Variants in SLC41A3 observed in about 807,000 individuals in gnomAD.
The protein encoded by SLC41A3 is SLC41A1-like 2.
A neutral mutation model predicts 45.4 loss-of-function variants in SLC41A3; 44 were observed. The observed-to-expected ratio is 0.97, with a 90% CI of 0.76 to 1.25. The LOEUF (loss-of-function observed/expected upper bound fraction) is 1.25. Ranked by LOEUF, SLC41A3 falls within the 50% of genes most tolerant of loss-of-function variation. SLC41A3 has a pLI of 0.00. For synonymous variants in SLC41A3, 256 were observed against 252.4 expected (o/e 1.01, Z -0.13); for missense variants, 550 against 600.6 (o/e 0.92, Z 0.88).
At chr3:126,014,482 T>C (rs901983042) in intron 8 of SLC41A3, among the ~76,000 whole-genome samples, 5 of 151,838 alleles carry the variant, frequency 3.3e-5, no homozygotes, top group African/African-American at 1.2e-4. Flanking sequence ...AGCTGCATAA[T>C]TCATGCAGAT....
Position 126,056,975 on chromosome 3 carries a change from G to A in SLC41A3, c.274-5925C>T, listed in dbSNP as rs6805596. The A allele has an allele frequency of 0.69, 712,530 of 1,031,484 alleles. 246,950 individuals carry two copies. Among genetic ancestry groups the A allele is most frequent in the Admixed American group, 0.72 (14,476 of 20,130 alleles). 63.9% of individuals were successfully genotyped at this position (1,031,484 alleles called of 1,614,324 possible). ...TGGGCTGGACAGAGCTGAAGCCCAC[G>A]TGGTGCCTGGCCTTGGTGAGTGCCC... On this transcript the variant is annotated intron_variant, in intron 2 of 10. Coordinates refer to ENST00000360370, the MANE Select transcript of SLC41A3 (RefSeq NM_017836.4).
chr3:126,023,580 AG>A (rs1438002182), intron 5 of SLC41A3: 5 of 152,874 alleles, frequency 3.3e-5, no homozygotes, highest in African/African-American at 9.7e-5. Context: ...CGTGTCTCCC[AG>A]GAACAGTCCT....
intron 3 of SLC41A3, among the ~76,000 whole-genome samples, chr3:126,049,165 G>A (rs1025992419): frequency 3.9e-5 from 6 of 151,946 alleles, no homozygotes; most frequent in Non-Finnish European, 5.9e-5. Flanking sequence ...AAAACACTGA[G>A]ATACGATCGT....
chr3:126,006,731 A>G lies in SLC41A3; in HGVS notation c.*285T>C. On this transcript the variant is annotated 3_prime_UTR_variant, in exon 11 of 11. Transcript: ENST00000360370. The stretch of plus-strand genomic sequence containing the variant: ...CTCTTCTTTACCTTCTCAGGCCAGA[A>G]CACCCTCCTCTCCACAAACGTGTGC... The G allele has an allele frequency of 2.1e-6, 3 of 1,447,628 alleles. No homozygotes were observed. Among genetic ancestry groups the G allele is most frequent in the Non-Finnish European group, 2.7e-6 (3 of 1,104,508 alleles). The allele number at this position is 1,447,628 out of a possible 1,614,324, so 89.7% of individuals were successfully genotyped here. A position where few individuals can be genotyped will look rare whatever the true frequency, so the allele number is the denominator to read the frequency against.
At chr3:126,069,770 G>A (rs1944531076) in intron 1 of SLC41A3, among the ~76,000 whole-genome samples, 1 of 152,086 alleles carries the variant, frequency 6.6e-6, no homozygotes, top group African/African-American at 2.4e-5. Context: ...TCAATATAGA[G>A]ATGAAAATTA....
intron 6 of SLC41A3, among the ~76,000 whole-genome samples, chr3:126,018,433 T>C: frequency 6.6e-6 from 1 of 152,240 alleles, no homozygotes; most frequent in East Asian, 1.9e-4. Flanking sequence ...TTAAGTAAAC[T>C]TGGCGAATCT....
chr3:126,033,950 GCA>G (rs1264506777), intron 3 of SLC41A3, among the ~76,000 whole-genome samples: 1 of 151,414 alleles, frequency 6.6e-6, no homozygotes, highest in Non-Finnish European at 1.5e-5. Flanking sequence ...TGCACCACCT[GCA>G]CACACACAGC....
At position 126,022,892 on chromosome 3, in the gene SLC41A3, G is replaced by A. The variant is rs150894023; in HGVS notation, c.639C>T (p.Leu213=). The change falls in exon 6 of 11, where the codon CTC becomes CTT. Residue 213 remains leucine, a synonymous_variant. Transcript: ENST00000360370. ...TGGCAATGTTGTCTGGGTTGACCCC[G>A]AGCTTTCGAGCACCAATCACTATAC... ...MVCIVIGARK[L]GVNPDNIATP... 71 of 1,614,050 alleles carry A rather than the reference G, an allele frequency of 4.4e-5. No homozygotes were observed. In the African/African-American group the frequency reaches 6.8e-4, roughly 15 times the overall value.
intron 1 of SLC41A3, chr3:126,083,859 C>A (rs537624774): frequency 6.7e-6 from 1 of 150,192 alleles, no homozygotes; most frequent in South Asian, 2.1e-4. Context: ...GCCGCCCCTC[C>A]GACCCCTCGT....
intron 9 of SLC41A3, among the ~76,000 whole-genome samples, chr3:126,009,948 G>A (rs1232124396): frequency 6.6e-6 from 1 of 152,202 alleles, no homozygotes; most frequent in East Asian, 1.9e-4. Flanking sequence ...AACAAATGGG[G>A]AAGACACACT....
intron 6 of SLC41A3, among the ~76,000 whole-genome samples, chr3:126,022,149 G>C (rs1940942188): frequency 6.6e-6 from 1 of 152,158 alleles, no homozygotes; most frequent in Admixed American, 6.5e-5. Flanking sequence ...AACCTTGCCT[G>C]TGTCTCTCAT....
intron 1 of SLC41A3, among the ~76,000 whole-genome samples, chr3:126,092,972 T>C (rs1054109142): frequency 3.3e-5 from 5 of 152,178 alleles, no homozygotes; most frequent in Non-Finnish European, 5.9e-5. Flanking sequence ...CAGATCTTTC[T>C]TTTCTGCAGG....
At chr3:126,088,242 C>G (rs1945431364), upstream of SLC41A3, among the ~76,000 whole-genome samples, 1 of 152,056 alleles carries the variant, frequency 6.6e-6, no homozygotes, top group South Asian at 2.1e-4. Flanking sequence ...TGATATTTCA[C>G]TACCAAACTA....
At chr3:126,074,648 TGTTGTTTGGGTTTTTGG>T (rs1315220306) in intron 1 of SLC41A3, among the ~76,000 whole-genome samples, 2 of 152,022 alleles carry the variant, frequency 1.3e-5, no homozygotes, top group Non-Finnish European at 2.9e-5. Context: ...TTTGTTTTGT[TGTTGTTTGGGTTTTTGG>T]GTTGTTTGGT....
rs988232046 is a variant in SLC41A3, at chr3:126,057,009, G to T, written c.274-5959C>A. On this transcript the variant is annotated intron_variant, in intron 2 of 10. Coordinates refer to ENST00000360370, the MANE Select transcript of SLC41A3 (RefSeq NM_017836.4). ...GGCCTTGGTGAGTGCCCACACGGAG[G>T]TCTGCTGCCACCTCGCCCTGTACAA... The T allele has an allele frequency of 1.3e-5, 13 of 1,024,392 alleles. No individual in the cohort carries two copies. In the African/African-American group the frequency reaches 2.2e-4, roughly 17 times the overall value. The allele number at this position is 1,024,392 out of a possible 1,614,324, so 63.5% of individuals were successfully genotyped here. A position where few individuals can be genotyped will look rare whatever the true frequency, so the allele number is the denominator to read the frequency against.
chr3:126,096,861 G>T (rs1945613842), intron 1 of SLC41A3, among the ~76,000 whole-genome samples: 1 of 152,076 alleles, frequency 6.6e-6, no homozygotes, highest in Non-Finnish European at 1.5e-5. Context: ...GCTGGGTTAG[G>T]GTCTCCCCAA....
chr3:126,060,745 G>A (rs1395232759), intron 2 of SLC41A3, among the ~76,000 whole-genome samples: 1 of 152,226 alleles, frequency 6.6e-6, no homozygotes, highest in Non-Finnish European at 1.5e-5. Flanking sequence ...TAGCACAGCA[G>A]AAGAATCTCA....
rs371689789 is a variant in SLC41A3, at chr3:126,016,715, C to T, written c.890+16G>A. ...TGAGAGGAGGAAGAGGGGCCGTGGCCCTGGCTCCTGCTCACCTGCTGATGA... is the reference window on the plus strand; with the variant it reads ...TGAGAGGAGGAAGAGGGGCCGTGGCTCTGGCTCCTGCTCACCTGCTGATGA... On this transcript the variant is annotated intron_variant, in intron 7 of 10. Transcript: ENST00000360370. 5.6e-6 allele frequency: 9 copies of T among 1,599,354 alleles called. No homozygotes were observed. The highest frequency in any genetic ancestry group is 4.0e-5 in the African/African-American group (3 of 74,114).
At chr3:126,097,493 C>T (rs1945626910) in intron 1 of SLC41A3, among the ~76,000 whole-genome samples, 1 of 152,178 alleles carries the variant, frequency 6.6e-6, no homozygotes, top group Admixed American at 6.5e-5. Context: ...CTATCCTACC[C>T]CGCTCATGCC....
Sources: allele counts gnomAD v4.1 joint callset (sites outside exome capture counted in the v4.1 genomes callset), GRCh38; gene constraint gnomAD v4.1.1; transcripts MANE v1.5; gene names NCBI Gene and HGNC (gene_info 2026-07-23, HGNC 2026-07-21).